Variants in GARRE1 observed in about 807,000 individuals in gnomAD.
The protein encoded by GARRE1 is granule associated Rac and RHOG effector protein 1.
In GARRE1, 49 loss-of-function variants were observed where a neutral mutation model predicts 103.2. The observed-to-expected ratio is 0.47, with a 90% CI of 0.38 to 0.60. The LOEUF is 0.60. Among genes scored for constraint, GARRE1 ranks in the 20% least tolerant of loss-of-function variants. GARRE1 has a pLI of 0.00. For synonymous variants in GARRE1, 505 were observed against 532.8 expected, an observed-to-expected ratio of 0.95 and a Z score of 0.72; for missense variants, 1,199 against 1,370.5, an observed-to-expected ratio of 0.87 and a Z score of 1.98.
At chr19:34,270,974 T>G (rs1384165940) in intron 1 of GARRE1, among the ~76,000 whole-genome samples, 1 of 152,096 alleles carries the variant, frequency 6.6e-6, no homozygotes, top group African/African-American at 2.4e-5. Context: ...AACCAAAACA[T>G]CTCTAGACAT....
chr19:34,297,016 G>T (rs943774133), intron 1 of GARRE1, among the ~76,000 whole-genome samples: 1 of 152,216 alleles, frequency 6.6e-6, no homozygotes, highest in Admixed American at 6.6e-5. Flanking sequence ...GGCCGGCATG[G>T]TGGCTCACGC....
intron 2 of GARRE1, among the ~76,000 whole-genome samples, chr19:34,312,882 G>A (rs1316515678): frequency 4.6e-5 from 7 of 152,096 alleles, no homozygotes; most frequent in Non-Finnish European, 8.8e-5. Flanking sequence ...AGCCAAGATC[G>A]TGCCATTGCA....
intron 2 of GARRE1, among the ~76,000 whole-genome samples, chr19:34,309,693 G>A (rs7251027): frequency 0.097 from 14,774 of 152,122 alleles, 1,141 homozygotes; most frequent in African/African-American, 0.21. Flanking sequence ...TTCTGCTTTT[G>A]TGTACGTTTG....
At chr19:34,259,592 G>C (rs1341916714) in intron 1 of GARRE1, among the ~76,000 whole-genome samples, 4 of 152,134 alleles carry the variant, frequency 2.6e-5, no homozygotes, top group Non-Finnish European at 5.9e-5. Context: ...CAGAGATCTT[G>C]CGTGTCTTAT....
At chr19:34,296,401 C>T in intron 1 of GARRE1, 1 of 1,542,872 alleles carries the variant, frequency 6.5e-7, no homozygotes, top group Middle Eastern at 2.3e-4. Context: ...AGCCTGAGTC[C>T]CTTGGCAGTG....
At chr19:34,305,121 A>G (rs2074001792) in intron 2 of GARRE1, among the ~76,000 whole-genome samples, 1 of 152,232 alleles carries the variant, frequency 6.6e-6, no homozygotes, top group Non-Finnish European at 1.5e-5. Flanking sequence ...TAAAAATTCA[A>G]CACATAAAAA....
intron 1 of GARRE1, among the ~76,000 whole-genome samples, chr19:34,278,058 A>G (rs372910171): frequency 5.3e-5 from 8 of 151,978 alleles, no homozygotes; most frequent in South Asian, 2.1e-4. Context: ...AGTTTTAACC[A>G]TTTTTATTAT....
At chr19:34,262,237 T>G (rs554201764) in intron 1 of GARRE1, among the ~76,000 whole-genome samples, 1 of 145,810 alleles carries the variant, frequency 6.9e-6, no homozygotes, top group Admixed American at 7.1e-5. Flanking sequence ...CCCACCTTGG[T>G]CTCCCAAAGT....
At position 34,272,559 on chromosome 19, in the gene GARRE1, G is replaced by A. The variant is rs1399183950; in HGVS notation, c.-796+17945G>A. ...GTCTCCTGGGTCTGGTCCTTGGAGAGGGAGGTCTTGACTGGAGAGTTGAAT... is the reference window on the plus strand; with the variant it reads ...GTCTCCTGGGTCTGGTCCTTGGAGAAGGAGGTCTTGACTGGAGAGTTGAAT... On this transcript the variant is annotated intron_variant, in intron 1 of 13. Transcript: ENST00000299505. Among the ~76,000 whole-genome samples, 3 of 152,178 alleles carry A rather than the reference G, an allele frequency of 2.0e-5. No individual in the cohort carries two copies. In the East Asian group the frequency reaches 5.8e-4, roughly 29 times the overall value.
At chr19:34,350,818 T>A (rs12983194) in intron 12 of GARRE1, among the ~76,000 whole-genome samples, 1 of 151,986 alleles carries the variant, frequency 6.6e-6, no homozygotes, top group Non-Finnish European at 1.5e-5. Context: ...CCTGACCTCG[T>A]GATCCACCTA....
At chr19:34,340,480 G>T (rs1481260585) in intron 9 of GARRE1, among the ~76,000 whole-genome samples, 13 of 48,972 alleles carry the variant, frequency 2.7e-4, no homozygotes, top group Non-Finnish European at 7.5e-4. Context: ...TTTCTGTCTT[G>T]GTCTTTGTCT....
intron 1 of GARRE1, among the ~76,000 whole-genome samples, chr19:34,283,830 C>CTTTTTTT (rs11335136): frequency 9.4e-5 from 11 of 117,234 alleles, no homozygotes; most frequent in East Asian, 2.3e-4. Context: ...TTCTTTCTTT[C>CTTTTTTT]TTTTTTTTTT....
chr19:34,276,607 G>A (rs2073818447), intron 1 of GARRE1, among the ~76,000 whole-genome samples: 1 of 152,144 alleles, frequency 6.6e-6, no homozygotes, highest in Admixed American at 6.5e-5. Flanking sequence ...GGATAATCCT[G>A]TTACCTGGCT....
At position 34,348,016 on chromosome 19, in the gene GARRE1, GCCCTTC is replaced by G. The variant is rs747895470; in HGVS notation, c.2665_2670del (p.Phe889_Pro890del). ...CTATGGATGACGCGCATCGGACCTG[GCCCTTC>G]CCCGAGTTCTTCACAGAAGGGTGAG... On this transcript the variant is annotated inframe_deletion, in exon 11 of 14. Transcript: ENST00000299505. 2 of 1,513,718 alleles carry G rather than the reference GCCCTTC, an allele frequency of 1.3e-6. No individual in the cohort carries two copies. The highest frequency in any genetic ancestry group is 2.5e-5 in the South Asian group (2 of 78,646). The allele number at this position is 1,513,718 out of a possible 1,614,324, so 93.8% of individuals were successfully genotyped here. A position where few individuals can be genotyped will look rare whatever the true frequency, so the allele number is the denominator to read the frequency against.
intron 2 of GARRE1, 62 bp downstream of exon 2, chr19:34,301,030 T>C: frequency 1.3e-6 from 2 of 1,496,378 alleles, no homozygotes; most frequent in East Asian, 2.3e-5. Flanking sequence ...AGTGAGAATA[T>C]TGTCTTAAGT....
chr19:34,338,772 G>T (rs1232662941), intron 8 of GARRE1, among the ~76,000 whole-genome samples: 4 of 152,166 alleles, frequency 2.6e-5, no homozygotes, highest in Non-Finnish European at 5.9e-5. Flanking sequence ...TGTGGTGAGG[G>T]TTTAGATTTT....
At chr19:34,316,039 A>G (rs1419273692) in intron 2 of GARRE1, among the ~76,000 whole-genome samples, 1 of 152,146 alleles carries the variant, frequency 6.6e-6, no homozygotes, top group Non-Finnish European at 1.5e-5. Context: ...GGATCTTGTC[A>G]TAGGTAGAAA....
At chr19:34,283,667 C>T (rs142262611) in intron 1 of GARRE1, among the ~76,000 whole-genome samples, 6 of 152,258 alleles carry the variant, frequency 3.9e-5, no homozygotes, top group African/African-American at 1.2e-4. Context: ...ATTAGTCAGA[C>T]GCCCAGGGCC....
chr19:34,270,013 C>T (rs532902247), intron 1 of GARRE1, among the ~76,000 whole-genome samples: 2 of 152,358 alleles, frequency 1.3e-5, no homozygotes, highest in Admixed American at 6.5e-5. Flanking sequence ...CCTTGCTCTC[C>T]ATGCCCGCCT....
Sources: gnomAD v4.1 joint callset for allele counts (sites outside exome capture counted in the v4.1 genomes callset) on GRCh38, gnomAD v4.1.1 for gene constraint, MANE v1.5 for transcripts, NCBI Gene and HGNC (gene_info 2026-07-23, HGNC 2026-07-21) for gene names.